The following MLLT10 variants were observed in gnomAD, a reference collection of about 807,000 sequenced individuals.
The protein encoded by MLLT10 is MLLT10 histone lysine methyltransferase DOT1L cofactor.
In MLLT10, 30 loss-of-function variants were observed where a neutral mutation model predicts 129.1. That is an observed-to-expected ratio of 0.23 (90% confidence interval 0.17 to 0.32). The LOEUF (loss-of-function observed/expected upper bound fraction) is 0.32. Among genes scored for constraint, MLLT10 ranks in the 10% least tolerant of loss-of-function variants. MLLT10 has a pLI of 1.00. For synonymous variants in MLLT10, 490 were observed against 446.4 expected (o/e 1.10, Z -1.23); for missense variants, 1,119 against 1,268.3 (o/e 0.88, Z 1.79).
At chr10:21,575,675 T>G (rs1175464967) in intron 3 of MLLT10, among the ~76,000 whole-genome samples, 3 of 152,140 alleles carry the variant, frequency 2.0e-5, no homozygotes, top group Admixed American at 1.3e-4. Context: ...TTGCTTAGAT[T>G]ATTATTATTA....
intron 3 of MLLT10, among the ~76,000 whole-genome samples, chr10:21,539,315 A>G (rs1409286208): frequency 6.6e-6 from 1 of 152,052 alleles, no homozygotes; most frequent in Non-Finnish European, 1.5e-5. Flanking sequence ...TTTAGTGACT[A>G]TCATATTCCT....
At chr10:21,644,700 G>A (rs1382603510) in intron 8 of MLLT10, among the ~76,000 whole-genome samples, 2 of 152,096 alleles carry the variant, frequency 1.3e-5, no homozygotes, top group East Asian at 3.9e-4. Flanking sequence ...GGAGTGCAGT[G>A]GCATGATCAT....
chr10:21,533,968 C>A (rs1382985410), upstream of MLLT10, among the ~76,000 whole-genome samples: 1 of 152,112 alleles, frequency 6.6e-6, no homozygotes. Flanking sequence ...GACGCTCACA[C>A]GCGGCCCGCG....
intron 14 of MLLT10, 40 bp from the exon 15 acceptor site, chr10:21,726,204 C>G: frequency 7.8e-7 from 1 of 1,278,288 alleles, no homozygotes; most frequent in South Asian, 1.3e-5. Flanking sequence ...AATATATTTT[C>G]ACATATAATT....
At chr10:21,642,148 C>A (rs1316613670) in intron 8 of MLLT10, among the ~76,000 whole-genome samples, 6 of 147,090 alleles carry the variant, frequency 4.1e-5, no homozygotes, top group Admixed American at 2.0e-4. Context: ...GCCAGGAGTT[C>A]GAGACCAGCC....
At chr10:21,609,881 T>TCA (rs773071011) in intron 5 of MLLT10, among the ~76,000 whole-genome samples, 322 of 151,506 alleles carry the variant, frequency 2.1e-3, no homozygotes, top group African/African-American at 7.2e-3. Flanking sequence ...GTTTTCTCTC[T>TCA]CACACACACA....
chr10:21,548,981 G>C (rs922323578), intron 3 of MLLT10, among the ~76,000 whole-genome samples: 1 of 152,138 alleles, frequency 6.6e-6, no homozygotes, highest in Non-Finnish European at 1.5e-5. Context: ...TTCAGGTGGA[G>C]TTGTCTTTCC....
At chr10:21,582,029 A>G (rs905009681) in intron 3 of MLLT10, among the ~76,000 whole-genome samples, 1 of 152,080 alleles carries the variant, frequency 6.6e-6, no homozygotes, top group Non-Finnish European at 1.5e-5. Context: ...TGGGACCACC[A>G]CTGTATATGT....
At chr10:21,699,663 T>G (rs777791316) in intron 13 of MLLT10, among the ~76,000 whole-genome samples, 15 of 152,052 alleles carry the variant, frequency 9.9e-5, no homozygotes, top group Non-Finnish European at 1.9e-4. Context: ...CTTGGTGCCT[T>G]TGTCAAAAAT....
rs945710554 is a variant in MLLT10 at position 21,742,498 on chromosome 10, A to G, written c.*515A>G. Reference sequence around the variant, plus strand: ...TGATTCAGTATTACAAATATATAGCACATCACCTGGGACTTGGCAATCTTT... The same window carrying G: ...TGATTCAGTATTACAAATATATAGCGCATCACCTGGGACTTGGCAATCTTT... On this transcript the variant is annotated 3_prime_UTR_variant, in exon 23 of 23. Coordinates refer to ENST00000307729, the MANE Select transcript of MLLT10 (RefSeq NM_001195626.3). 1 of 215,436 alleles carries G rather than the reference A, an allele frequency of 4.6e-6. No individual in the cohort carries two copies. The highest frequency in any genetic ancestry group is 7.0e-5 in the East Asian group (1 of 14,312). The allele number at this position is 215,436 out of a possible 1,614,324, so 13.3% of individuals were successfully genotyped here. A position where few individuals can be genotyped will look rare whatever the true frequency, so the allele number is the denominator to read the frequency against.
chr10:21,556,224 A>G (rs2037941502), intron 3 of MLLT10, among the ~76,000 whole-genome samples: 1 of 152,052 alleles, frequency 6.6e-6, no homozygotes, highest in Admixed American at 6.6e-5. Context: ...CGGCCTCCCA[A>G]AGTGCTGGGA....
At chr10:21,583,810 T>G (rs2041707089) in intron 3 of MLLT10, among the ~76,000 whole-genome samples, 1 of 152,118 alleles carries the variant, frequency 6.6e-6, no homozygotes, top group Non-Finnish European at 1.5e-5. Context: ...CCTTCAACAT[T>G]GGGATTACAT....
In MLLT10 at chr10:21,688,515, C is replaced by T. The variant is rs766442378; in HGVS notation, c.1699+6258C>T. ...GACAGAGGTGACAGTTCTACACTAACAAAGCAAGAACTTAAATTCATAGGT... is the reference window on the plus strand; with the variant it reads ...GACAGAGGTGACAGTTCTACACTAATAAAGCAAGAACTTAAATTCATAGGT... On this transcript the variant is annotated intron_variant, in intron 13 of 22. Coordinates refer to ENST00000307729, the MANE Select transcript of MLLT10 (RefSeq NM_001195626.3). The T allele has an allele frequency of 4.3e-6, 7 of 1,612,748 alleles. No homozygotes were observed. In the Admixed American group the frequency reaches 1.0e-4, roughly 23 times the overall value.
intron 3 of MLLT10, among the ~76,000 whole-genome samples, chr10:21,580,520 T>C (rs1042107815): frequency 8.2e-4 from 125 of 151,668 alleles, no homozygotes; most frequent in African/African-American, 2.8e-3. Flanking sequence ...TCCTGAGTAG[T>C]GGGGACTACA....
chr10:21,671,768 G>T (rs2131375536), intron 10 of MLLT10, among the ~76,000 whole-genome samples: 1 of 152,214 alleles, frequency 6.6e-6, no homozygotes, highest in East Asian at 1.9e-4. Flanking sequence ...CTGGGTGACA[G>T]AGTGAGACCC....
chr10:21,688,704 C>G (rs1205988779), intron 13 of MLLT10, among the ~76,000 whole-genome samples: 1 of 151,896 alleles, frequency 6.6e-6, no homozygotes, highest in African/African-American at 2.4e-5. Context: ...GTGGGATGAA[C>G]TATATGTTCT....
At chr10:21,565,039 T>G (rs2039378640) in intron 3 of MLLT10, among the ~76,000 whole-genome samples, 1 of 152,164 alleles carries the variant, frequency 6.6e-6, no homozygotes, top group South Asian at 2.1e-4. Context: ...CTTTTACATA[T>G]TTTGTAGTCT....
At chr10:21,727,764 T>TA in intron 15 of MLLT10, 92 bp from the exon 16 acceptor site, 1 of 907,956 alleles carries the variant, frequency 1.1e-6, no homozygotes, top group Non-Finnish European at 1.8e-6. Context: ...GGTAAAGGTT[T>TA]AATGTATGTT....
intron 9 of MLLT10, among the ~76,000 whole-genome samples, chr10:21,659,751 TC>T (rs1370925028): frequency 6.6e-6 from 1 of 152,116 alleles, no homozygotes; most frequent in African/African-American, 2.4e-5. Flanking sequence ...GCTCAGGTGA[TC>T]CACCCGCCTT....
Sources: allele counts gnomAD v4.1 joint callset (sites outside exome capture counted in the v4.1 genomes callset), GRCh38; gene constraint gnomAD v4.1.1; transcripts MANE v1.5; gene names NCBI Gene and HGNC (gene_info 2026-07-23, HGNC 2026-07-21).